UGT2B7: variants seen among roughly 807,000 people sequenced by gnomAD.
The protein encoded by UGT2B7 is UDP glucuronosyltransferase family 2 member B7.
UGT2B7 carries 51 observed loss-of-function variants against 51.9 expected under a neutral mutation model. That is an observed-to-expected ratio of 0.98 (90% CI 0.78 to 1.24). The LOEUF is 1.24. Ranked by LOEUF, UGT2B7 falls within the 50% of genes most tolerant of loss-of-function variation. UGT2B7 has a pLI of 0.00. For missense variants in UGT2B7, 727 were observed against 628.4 expected (o/e 1.16, Z -1.68); for synonymous variants, 225 against 211.6 (o/e 1.06, Z -0.55).
chr4:69,107,922 A>G (rs4314345), intron 4 of UGT2B7, among the ~76,000 whole-genome samples, 181 bp from the exon 5 acceptor site: 89,814 of 152,030 alleles, frequency 0.59, 27,908 homozygotes, highest in African/African-American at 0.77. Flanking sequence ...GAAGTCACAC[A>G]CACCGTATAG....
At chr4:69,072,170 T>C (rs1718616410) in intron 1 of UGT2B7, among the ~76,000 whole-genome samples, 1 of 152,230 alleles carries the variant, frequency 6.6e-6, no homozygotes, top group Admixed American at 6.6e-5. Context: ...TCACATAGTA[T>C]ATTAAATTCC....
At chr4:69,097,623 T>G (rs1376815315) in intron 1 of UGT2B7, among the ~76,000 whole-genome samples, 2 of 152,088 alleles carry the variant, frequency 1.3e-5, no homozygotes, top group Admixed American at 1.3e-4. Flanking sequence ...TCTACAACTA[T>G]CTATATAACT....
chr4:69,065,494 T>C (rs1259813722), intron 1 of UGT2B7, among the ~76,000 whole-genome samples: 3 of 152,224 alleles, frequency 2.0e-5, no homozygotes, highest in African/African-American at 7.2e-5. Flanking sequence ...TTATAAACTG[T>C]CAATCACTAT....
intron 1 of UGT2B7, among the ~76,000 whole-genome samples, chr4:69,063,036 A>G (rs1718382476): frequency 6.6e-6 from 1 of 152,116 alleles, no homozygotes. Flanking sequence ...CTACATGGAT[A>G]AGAAACACAG....
intron 1 of UGT2B7, among the ~76,000 whole-genome samples, chr4:69,088,130 C>T (rs2109877702): frequency 6.6e-6 from 1 of 151,854 alleles, no homozygotes; most frequent in South Asian, 2.1e-4. Flanking sequence ...TTAATTATTT[C>T]TCTTTTTTTG....
intron 1 of UGT2B7, among the ~76,000 whole-genome samples, chr4:69,058,006 C>T (rs959035809): frequency 1.8e-4 from 28 of 152,110 alleles, no homozygotes; most frequent in African/African-American, 6.5e-4. Flanking sequence ...CTGAATGCAG[C>T]CCTGTTTAGC....
At chr4:69,108,001 G>A (rs1460448368) in intron 4 of UGT2B7, 102 bp from the exon 5 acceptor site, 10 of 1,420,734 alleles carry the variant, frequency 7.0e-6, no homozygotes, top group Non-Finnish European at 8.8e-6. Flanking sequence ...TTTTAATTTA[G>A]TTCAGTGTTT....
intron 1 of UGT2B7, among the ~76,000 whole-genome samples, chr4:69,064,019 G>GGAAAGAAAGAAAGAAAGACAGAAAGAAA (rs1718415606): frequency 5.0e-5 from 3 of 60,152 alleles, no homozygotes; most frequent in Non-Finnish European, 6.8e-5. Flanking sequence ...AGATGAGATG[G>GGAAAGAAAGAAAGAAAGACAGAAAGAAA]GAAAGAAAGA....
chr4:69,066,094 T>C (rs1718477950), intron 1 of UGT2B7, among the ~76,000 whole-genome samples: 1 of 152,194 alleles, frequency 6.6e-6, no homozygotes, highest in Non-Finnish European at 1.5e-5. Flanking sequence ...GGCATTTGAC[T>C]AGGTGATCTC....
At chr4:69,097,373 G>A in intron 1 of UGT2B7, 132 bp downstream of exon 1, 1 of 1,088,070 alleles carries the variant, frequency 9.2e-7, no homozygotes, top group Non-Finnish European at 1.3e-6. Context: ...AATACAAGAT[G>A]ATCTATTAAT....
At chr4:69,098,840 G>C in intron 2 of UGT2B7, 152 bp downstream of exon 2, 2 of 1,303,060 alleles carry the variant, frequency 1.5e-6, no homozygotes, top group South Asian at 1.5e-5. Context: ...TCATGTGCAC[G>C]TTAATACCAT....
At chr4:69,069,024 T>C (rs1697140343) in intron 1 of UGT2B7, among the ~76,000 whole-genome samples, 1 of 151,336 alleles carries the variant, frequency 6.6e-6, no homozygotes, top group Non-Finnish European at 1.5e-5. Flanking sequence ...ATTACATTAC[T>C]ACTCACAAAA....
intron 1 of UGT2B7, among the ~76,000 whole-genome samples, chr4:69,052,729 C>T (rs1416145654): frequency 4.5e-5 from 5 of 110,208 alleles, no homozygotes; most frequent in Middle Eastern, 5.1e-3. Flanking sequence ...CAGTGGAAGT[C>T]GTGAAAAAAA....
At chr4:69,109,306 C>T (rs1281000321) in intron 5 of UGT2B7, among the ~76,000 whole-genome samples, 2 of 152,140 alleles carry the variant, frequency 1.3e-5, no homozygotes, top group African/African-American at 4.8e-5. Flanking sequence ...TTATGAAGAA[C>T]TGCTAAACTG....
At chr4:69,101,458 G>C (rs1281968916) in intron 2 of UGT2B7, among the ~76,000 whole-genome samples, 2 of 151,986 alleles carry the variant, frequency 1.3e-5, no homozygotes, top group Non-Finnish European at 2.9e-5. Flanking sequence ...CTGTAAAGAG[G>C]CTCGATTCCT....
intron 1 of UGT2B7, among the ~76,000 whole-genome samples, chr4:69,077,328 A>G (rs1718730921): frequency 6.6e-6 from 1 of 152,022 alleles, no homozygotes; most frequent in African/African-American, 2.4e-5. Context: ...AAGAAAGTCA[A>G]TGATAGCTTG....
At chr4:69,066,485 G>A (rs1718486464) in intron 1 of UGT2B7, 1 of 152,076 alleles carries the variant, frequency 6.6e-6, no homozygotes, top group Non-Finnish European at 1.5e-5. Flanking sequence ...TTCTCGGTAA[G>A]ACTCTGAGGA....
At chr4:69,066,284 C>T (rs1718482858) in intron 1 of UGT2B7, 1 of 152,178 alleles carries the variant, frequency 6.6e-6, no homozygotes, top group Admixed American at 6.5e-5. Flanking sequence ...AAGCCTAATA[C>T]CCATTAGTGA....
intron 1 of UGT2B7, among the ~76,000 whole-genome samples, chr4:69,063,198 A>G (rs1164261122): frequency 6.6e-6 from 1 of 150,482 alleles, no homozygotes; most frequent in Non-Finnish European, 1.5e-5. Flanking sequence ...GGGCGCCTGT[A>G]GTCCCAGCTA....
Sources: allele counts gnomAD v4.1 joint callset (sites outside exome capture counted in the v4.1 genomes callset), GRCh38; gene constraint gnomAD v4.1.1; transcripts MANE v1.5; gene names NCBI Gene and HGNC (gene_info 2026-07-23, HGNC 2026-07-21).